Variants in CPNE8 observed in about 807,000 individuals in gnomAD.
CPNE8 encodes the protein copine 8, also known as copine-8.
Under a neutral mutation model 81.5 loss-of-function variants are expected in CPNE8, and 45 were observed. That is an observed-to-expected ratio of 0.55 (90% confidence interval 0.44 to 0.71). The LOEUF is 0.71. Among genes scored for constraint, CPNE8 ranks in the 30% least tolerant of loss-of-function variants. The probability of loss-of-function intolerance (pLI) is 0.00; values close to 1 mark genes in which losing one functional copy is unlikely to be tolerated. For synonymous variants in CPNE8, 252 were observed against 226.3 expected (o/e 1.11, Z -1.02); for missense variants, 594 against 672.1 (o/e 0.88, Z 1.28).
At chr12:38,779,109 T>G (rs181512977) in intron 6 of CPNE8, among the ~76,000 whole-genome samples, 19 of 152,300 alleles carry the variant, frequency 1.2e-4, no homozygotes, top group Admixed American at 7.8e-4. Flanking sequence ...ATATTCAGCA[T>G]TATGGAAAAC....
chr12:38,873,147 C>A lies in CPNE8; in HGVS notation c.140-97G>T. The A allele has an allele frequency of 2.9e-5, 21 of 716,210 alleles. No homozygotes were observed. The highest frequency in any genetic ancestry group is 1.3e-4 in the South Asian group (7 of 53,906). The allele number at this position is 716,210 out of a possible 1,614,324, so 44.4% of individuals were successfully genotyped here. A position where few individuals can be genotyped will look rare whatever the true frequency, so the allele number is the denominator to read the frequency against. ...TTTTTCAGCTGTTCAAAAGCTACAT[C>A]AAAATTAAATGCCTAATTCCTAGAC... On this transcript the variant is annotated intron_variant, in intron 2 of 19. Coordinates refer to ENST00000331366, the MANE Select transcript of CPNE8 (RefSeq NM_153634.3).
At chr12:38,824,772 C>T (rs925999847) in intron 6 of CPNE8, among the ~76,000 whole-genome samples, 1 of 152,056 alleles carries the variant, frequency 6.6e-6, no homozygotes, top group African/African-American at 2.4e-5. Context: ...GGACTGTCTG[C>T]CTCAGGATAT....
intron 7 of CPNE8, 125 bp from the exon 8 acceptor site, chr12:38,767,863 G>C (rs1941722544): frequency 1.9e-6 from 1 of 538,642 alleles, no homozygotes; most frequent in African/African-American, 2.0e-5. Flanking sequence ...AAGTTTGGGA[G>C]AATCCCAGAC....
At chr12:38,703,489 C>A (rs1204421040) in intron 13 of CPNE8, among the ~76,000 whole-genome samples, 3 of 152,122 alleles carry the variant, frequency 2.0e-5, no homozygotes, top group African/African-American at 7.2e-5. Context: ...GACAAATTCA[C>A]AGCCAACATC....
At chr12:38,880,888 T>C (rs921966061) in intron 1 of CPNE8, among the ~76,000 whole-genome samples, 2 of 151,818 alleles carry the variant, frequency 1.3e-5, no homozygotes, top group African/African-American at 4.8e-5. Context: ...GGAGCCAAAC[T>C]GTGTACAGGC....
chr12:38,758,738 A>G (rs146993145), intron 10 of CPNE8, among the ~76,000 whole-genome samples: 1,541 of 152,326 alleles, frequency 0.01, 12 homozygotes, highest in Admixed American at 0.018. Flanking sequence ...CTTTCAATAA[A>G]TCATATCCTG....
chr12:38,748,261 G>A (rs572191548), intron 10 of CPNE8, among the ~76,000 whole-genome samples: 30 of 151,726 alleles, frequency 2.0e-4, no homozygotes, highest in African/African-American at 4.8e-4. Context: ...TCCGCCTGCC[G>A]CAGCCTCCCA....
chr12:38,806,296 C>T (rs1203482666), intron 6 of CPNE8, among the ~76,000 whole-genome samples: 1 of 149,814 alleles, frequency 6.7e-6, no homozygotes, highest in South Asian at 2.2e-4. Context: ...CAGAGACACA[C>T]CAAAAAAGAT....
At chr12:38,736,629 T>C (rs1261845138) in intron 10 of CPNE8, among the ~76,000 whole-genome samples, 2 of 152,064 alleles carry the variant, frequency 1.3e-5, no homozygotes, top group Non-Finnish European at 2.9e-5. Flanking sequence ...CCACATGAAG[T>C]ATACTTTTAA....
chr12:38,817,561 C>A (rs1453865792), intron 6 of CPNE8, among the ~76,000 whole-genome samples: 2 of 148,020 alleles, frequency 1.4e-5, no homozygotes, highest in Non-Finnish European at 3.0e-5. Flanking sequence ...TTCTGTATTA[C>A]TAAAGTGATA....
intron 4 of CPNE8, among the ~76,000 whole-genome samples, chr12:38,841,320 T>C (rs544574485): frequency 7.6e-4 from 115 of 152,300 alleles, no homozygotes; most frequent in Non-Finnish European, 1.4e-3. Flanking sequence ...AGATCGAATT[T>C]CTTGCCTCAC....
intron 3 of CPNE8, among the ~76,000 whole-genome samples, chr12:38,855,827 C>T (rs1414584885): frequency 1.3e-5 from 2 of 151,858 alleles, no homozygotes; most frequent in Non-Finnish European, 1.5e-5. Context: ...CACATTGTAT[C>T]CCATAAATAT....
chr12:38,828,665 T>C (rs1056217927), intron 6 of CPNE8, among the ~76,000 whole-genome samples: 1 of 152,208 alleles, frequency 6.6e-6, no homozygotes, highest in Non-Finnish European at 1.5e-5. Flanking sequence ...CTAAAGCTTT[T>C]GAGATTGTGG....
At chr12:38,850,414 T>G (rs899126561) in intron 3 of CPNE8, among the ~76,000 whole-genome samples, 1 of 152,158 alleles carries the variant, frequency 6.6e-6, no homozygotes, top group Non-Finnish European at 1.5e-5. Context: ...CTATTAGCCC[T>G]TAAAACACAC....
intron 3 of CPNE8, among the ~76,000 whole-genome samples, chr12:38,852,224 TC>T (rs2137063852): frequency 6.6e-6 from 1 of 152,098 alleles, no homozygotes; most frequent in Non-Finnish European, 1.5e-5. Flanking sequence ...GGTTAGGGGT[TC>T]AAGACCAGCC....
At chr12:38,895,823 T>C (rs976299163) in intron 1 of CPNE8, among the ~76,000 whole-genome samples, 3 of 152,108 alleles carry the variant, frequency 2.0e-5, no homozygotes, top group Admixed American at 6.6e-5. Context: ...ATAAAGAATT[T>C]ATGGAAGAAC....
chr12:38,772,508 T>C (rs1053966259), intron 7 of CPNE8, among the ~76,000 whole-genome samples: 1 of 152,094 alleles, frequency 6.6e-6, no homozygotes, highest in Non-Finnish European at 1.5e-5. Flanking sequence ...CCAACACACA[T>C]ATGAAAGGTG....
intron 10 of CPNE8, among the ~76,000 whole-genome samples, chr12:38,732,035 C>T (rs1319846096): frequency 6.6e-6 from 1 of 151,732 alleles, no homozygotes; most frequent in Non-Finnish European, 1.5e-5. Flanking sequence ...AAACACAACG[C>T]TTTGATATCG....
intron 6 of CPNE8, among the ~76,000 whole-genome samples, chr12:38,795,905 T>TAGATAGATAGATAGA (rs1555160643): frequency 1.3e-5 from 2 of 148,242 alleles, no homozygotes. Flanking sequence ...AGATAGAAGA[T>TAGATAGATAGATAGA]AGATAATACA....
Sources: gnomAD v4.1 joint callset for allele counts (sites outside exome capture counted in the v4.1 genomes callset) on GRCh38, gnomAD v4.1.1 for gene constraint, MANE v1.5 for transcripts, NCBI Gene and HGNC (gene_info 2026-07-23, HGNC 2026-07-21) for gene names.